The following NOC2L variants were observed in gnomAD, a reference collection of about 807,000 sequenced individuals.
NOC2L encodes the protein NOC2 like nucleolar associated transcriptional repressor.
In NOC2L, 101 loss-of-function variants were observed where a neutral mutation model predicts 94.2. The ratio of observed to expected loss-of-function variants is 1.07; its 90% CI spans 0.91 to 1.26. The LOEUF is 1.26. NOC2L is among the 50% of genes most tolerant of loss of function. NOC2L has a pLI of 0.00. For missense variants in NOC2L, 1,076 were observed against 980.1 expected (o/e 1.10, Z -1.31); for synonymous variants, 531 against 413.4 (o/e 1.28, Z -3.45).
At chr1:951,510 G>A (rs1269136339) in intron 11 of NOC2L, among the ~76,000 whole-genome samples, 4 of 152,086 alleles carry the variant, frequency 2.6e-5, no homozygotes, top group Admixed American at 1.3e-4. Flanking sequence ...TCTTCCCTTG[G>A]ACTTCCCACC....
intron 2 of NOC2L, chr1:958,659 G>A (rs930773585): frequency 2.1e-5 from 14 of 663,124 alleles, no homozygotes; most frequent in South Asian, 1.4e-4. Context: ...ACTGCAGGCG[G>A]TGATTTCACC....
In NOC2L at chr1:952,517, C is replaced by G. The variant is rs774951068; in HGVS notation, c.1086G>C (p.Leu362Phe). The G allele has an allele frequency of 1.9e-6, 3 of 1,613,840 alleles. No homozygotes were observed. Residue 362 changes from leucine (L) to phenylalanine (F), a missense_variant, in exon 10 of 19, where the codon TTG becomes TTC. By Grantham distance (22) the Leu-to-Phe change is conservative. This residue lies in a region of NOC2L where 615 missense variants were observed against 577.4 expected (regional missense o/e 1.07). Transcript: ENST00000327044. ...CCGGCTCCAGGGCCAGCAGCTCCGT[C>G]AAGGTCCACTGCATGAAACTGATGA... ...LPFISFMQWT[L>F]TELLALEPGV...
intron 9 of NOC2L, 118 bp from the exon 10 acceptor site, chr1:952,718 C>T: frequency 9.9e-7 from 1 of 1,014,050 alleles, no homozygotes; most frequent in Non-Finnish European, 1.5e-6. Context: ...CGAGGAAGAG[C>T]CGTAGCCCCT....
chr1:946,674 G>A, intron 14 of NOC2L, 129 bp from the exon 15 acceptor site: 5 of 1,121,416 alleles, frequency 4.5e-6, no homozygotes, highest in African/African-American at 1.5e-5. Context: ...TCCCATCTCA[G>A]GGCTCAAGTG....
At chr1:954,899 G>T (rs1161510556) in intron 6 of NOC2L, among the ~76,000 whole-genome samples, 1 of 152,080 alleles carries the variant, frequency 6.6e-6, no homozygotes, top group Admixed American at 6.5e-5. Context: ...CACGCAGTAG[G>T]CGCTCACTAA....
intron 9 of NOC2L, 68 bp downstream of exon 9, chr1:953,107 C>T (rs998310293): frequency 3.0e-5 from 35 of 1,173,874 alleles, no homozygotes; most frequent in African/African-American, 6.0e-5. Context: ...AAAGGCAGCC[C>T]GCCCTGCCCT....
chr1:950,665 A>G (rs1642235163), intron 12 of NOC2L, among the ~76,000 whole-genome samples: 2 of 39,648 alleles, frequency 5.0e-5, no homozygotes, highest in Non-Finnish European at 2.4e-4. Context: ...ATATGCACAC[A>G]CACACAGATT....
chr1:946,560 G>A lies in NOC2L; in HGVS notation c.1660-15C>T, dbSNP rs371122211. 79 of 1,609,092 alleles carry A rather than the reference G, an allele frequency of 4.9e-5. No homozygotes were observed. The African/African-American group carries it at 1.0e-3, about 21-fold the overall frequency. The stretch of plus-strand genomic sequence containing the variant: ...AACGACTTCAGCTGCGGAAGGGAGG[G>A]GTCAGCCACTGAAGCCCAGGACCGC... On this transcript the variant is annotated splice_polypyrimidine_tract_variant and intron_variant, in intron 14 of 18. Coordinates refer to ENST00000327044, the MANE Select transcript of NOC2L (RefSeq NM_015658.4).
At chr1:956,799 C>G (rs1264582577) in intron 4 of NOC2L, 95 bp downstream of exon 4, 3 of 1,558,424 alleles carry the variant, frequency 1.9e-6, no homozygotes, top group South Asian at 1.1e-5. Flanking sequence ...TGCCTGGGCA[C>G]CCAGCTGCCC....
rs1642275337 is a variant in NOC2L, at chr1:952,098, G to A, written c.1233C>T (p.Cys411=). The A allele has an allele frequency of 1.2e-6, 2 of 1,613,708 alleles. No individual in the cohort carries two copies. The highest frequency in any genetic ancestry group is 1.7e-5 in the Admixed American group (1 of 60,028). ...TCAGGACCCGGCACCACAGGAAGAG[G>A]CAGTGCACATACTGCCAGTTGTACA... ...QSVYNWQYVH[C]LFLWCRVLST... The change falls in exon 11 of 19, where the codon TGC becomes TGT. Residue 411 remains cysteine, a synonymous_variant. Coordinates refer to ENST00000327044, the MANE Select transcript of NOC2L (RefSeq NM_015658.4).
chr1:953,157 C>G lies in NOC2L; in HGVS notation c.1002+18G>C, dbSNP rs776884871. The G allele has an allele frequency of 6.4e-7, 1 of 1,562,830 alleles. No homozygotes were observed. The highest frequency in any genetic ancestry group is 8.8e-7 in the Non-Finnish European group (1 of 1,133,916). On this transcript the variant is annotated intron_variant, in intron 9 of 18. Coordinates refer to ENST00000327044, the MANE Select transcript of NOC2L (RefSeq NM_015658.4). ...CAATGCAGATGCTGAGGGACACAGA[C>G]GCAGGGCCCACCACTACCTTGAGGA...
chr1:944,362 A>C lies in NOC2L; in HGVS notation c.*332T>G. Reference sequence around the variant, plus strand: ...TGGTGCAGATGGACGAGGTCTGCAGACGGAGGGCAGAGGTGGTGGAAGGGG... The same window carrying C: ...TGGTGCAGATGGACGAGGTCTGCAGCCGGAGGGCAGAGGTGGTGGAAGGGG... On this transcript the variant is annotated 3_prime_UTR_variant, in exon 19 of 19. Transcript: ENST00000327044. The C allele has an allele frequency of 7.3e-7, 1 of 1,360,964 alleles. No homozygotes were observed. The allele number at this position is 1,360,964 out of a possible 1,614,324, so 84.3% of individuals were successfully genotyped here.
intron 18 of NOC2L, 47 bp from the exon 19 acceptor site, chr1:944,847 A>C (rs1642047114): frequency 5.7e-6 from 8 of 1,406,884 alleles, no homozygotes; most frequent in East Asian, 2.3e-5. Flanking sequence ...TATCAGGAAG[A>C]AGCCAGCCTT....
chr1:952,589 G>C lies in NOC2L; in HGVS notation c.1014C>G (p.Ile338Met). The change falls in exon 10 of 19, where the codon ATC (isoleucine) becomes ATG (methionine). Residue 338 changes from isoleucine (I) to methionine (M), a missense_variant. Coordinates refer to ENST00000327044, the MANE Select transcript of NOC2L (RefSeq NM_015658.4). ...TGAACTTGCAGTTCCTCACATACGT[G>C]ATGTACATTTGCTGCGGAGAGACCC... ...FLGPVLKQMY[I>M]TYVRNCKFTS... is the part of the protein sequence containing the mutation. 1.2e-6 allele frequency: 2 copies of C among 1,613,760 alleles called. No individual in the cohort carries two copies. The highest frequency in any genetic ancestry group is 1.7e-6 in the Non-Finnish European group (2 of 1,180,012).
intron 2 of NOC2L, 139 bp downstream of exon 2, chr1:958,790 G>C (rs182862179): frequency 1.2e-6 from 1 of 846,828 alleles, no homozygotes; most frequent in South Asian, 1.4e-5. Context: ...GGATGAAAGA[G>C]TAAGTTAAGC....
chr1:959,168 C>A, intron 1 of NOC2L, 47 bp downstream of exon 1: 1 of 1,611,904 alleles, frequency 6.2e-7, no homozygotes, highest in East Asian at 2.2e-5. Context: ...CCCTTGGATA[C>A]AGACACCCAC....
At chr1:953,680 G>A (rs1642320388) in intron 8 of NOC2L, 102 bp downstream of exon 8, 4 of 859,590 alleles carry the variant, frequency 4.7e-6, no homozygotes, top group Non-Finnish European at 7.5e-6. Context: ...CCAGTGGAGT[G>A]TGGGCACCAC....
intron 6 of NOC2L, among the ~76,000 whole-genome samples, chr1:954,689 T>C (rs1569950967): frequency 1.3e-5 from 2 of 152,064 alleles, no homozygotes; most frequent in Admixed American, 1.3e-4. Flanking sequence ...CAAAATATTA[T>C]CCAGGCCTGG....
chr1:952,447 T>C lies in NOC2L; in HGVS notation c.1156A>G (p.Ile386Val). 1.2e-6 allele frequency: 2 copies of C among 1,613,740 alleles called. No homozygotes were observed. Among genetic ancestry groups the C allele is most frequent in the Non-Finnish European group, 1.7e-6 (2 of 1,179,994 alleles). Reference protein sequence around the residue: ...HAFLYIRQLAIHLRNAMTTRK... With the variant: ...HAFLYIRQLAVHLRNAMTTRK... ...GTGGTCATGGCGTTGCGCAGGTGTA[T>C]GGCGAGCTGGCGGATGTAGAGGAAG... The change falls in exon 10 of 19, where the codon ATA (isoleucine) becomes GTA (valine). Residue 386 changes from isoleucine (I) to valine (V), a missense_variant. Around this residue, in one of 3 missense-constraint regions of NOC2L, gnomAD observed 615 missense variants for 577.4 expected, o/e 1.07. Transcript: ENST00000327044.
Sources: allele counts gnomAD v4.1 joint callset (sites outside exome capture counted in the v4.1 genomes callset), GRCh38; gene constraint gnomAD v4.1.1; regional missense constraint gnomAD v4.1.1; transcripts MANE v1.5; gene names NCBI Gene and HGNC (gene_info 2026-07-23, HGNC 2026-07-21).